Variants in PIEZO2 observed in about 807,000 individuals in gnomAD.
The protein encoded by PIEZO2 is piezo-type mechanosensitive ion channel component 2.
PIEZO2 carries 172 observed loss-of-function variants against 337.3 expected under a neutral mutation model. The ratio of observed to expected loss-of-function variants is 0.51; its 90% confidence interval spans 0.45 to 0.58. The LOEUF (loss-of-function observed/expected upper bound fraction) is 0.58. Among genes scored for constraint, PIEZO2 ranks in the 20% least tolerant of loss-of-function variants. PIEZO2 has a pLI of 0.00. For synonymous variants in PIEZO2, 1,251 were observed against 1,228.5 expected (o/e 1.02, Z -0.38); for missense variants, 3,028 against 3,391.3 (o/e 0.89, Z 2.66).
rs1420202428 is a variant in PIEZO2 at position 10,748,417 on chromosome 18, T to C, written c.4424+54A>G. The stretch of plus-strand genomic sequence containing the variant: ...CTCAGACAGAAATGATAGTGCAATA[T>C]TATTTCAGGCAAGTTTCCTGGGAGA... On this transcript the variant is annotated intron_variant, in intron 30 of 55. Transcript: ENST00000674853. The surrounding 1 kb of genome is among the most constrained non-coding windows in gnomAD (Gnocchi z 5.1). 1 of 1,499,680 alleles carries C rather than the reference T, an allele frequency of 6.7e-7. No individual in the cohort carries two copies. The allele number at this position is 1,499,680 out of a possible 1,614,324, so 92.9% of individuals were successfully genotyped here.
chr18:11,052,413 G>C (rs906329359), intron 2 of PIEZO2, among the ~76,000 whole-genome samples: 21 of 152,284 alleles, frequency 1.4e-4, no homozygotes, highest in African/African-American at 4.8e-4. Context: ...AAACTACATA[G>C]TTACTCCACG....
At chr18:11,144,521 A>C (rs1459506615) in intron 1 of PIEZO2, among the ~76,000 whole-genome samples, 1 of 152,220 alleles carries the variant, frequency 6.6e-6, no homozygotes, top group Admixed American at 6.5e-5. Flanking sequence ...TTTCAAAATG[A>C]TATATATTAC....
In PIEZO2 at chr18:10,894,438, G is replaced by A. The variant is rs2042840348; in HGVS notation, c.329+16748C>T. 6.6e-6 allele frequency: 1 copy of A among 152,086 alleles called. No individual in the cohort carries two copies. Among genetic ancestry groups the A allele is most frequent in the Non-Finnish European group, 1.5e-5 (1 of 68,050 alleles). 9.4% of individuals were successfully genotyped at this position (152,086 alleles called of 1,614,324 possible). A position where few individuals can be genotyped will look rare whatever the true frequency, so the allele number is the denominator to read the frequency against. On this transcript the variant is annotated intron_variant, in intron 4 of 55. Coordinates refer to ENST00000674853, the MANE Select transcript of PIEZO2 (RefSeq NM_001378183.1). The surrounding 1 kb of genome is among the most constrained non-coding windows in gnomAD (Gnocchi z 4.1). ...CACTTAACTCCAGCCTGGGCAATAAGAGCAAAACTCCGTCCCAAAAAAAGA... is the reference window on the plus strand; with the variant it reads ...CACTTAACTCCAGCCTGGGCAATAAAAGCAAAACTCCGTCCCAAAAAAAGA...
chr18:10,672,279 C>G lies in PIEZO2; in HGVS notation c.8345+411G>C, dbSNP rs573440800. Among the ~76,000 whole-genome samples, 112 of 152,104 alleles carry G rather than the reference C, an allele frequency of 7.4e-4. No homozygotes were observed. The highest frequency in any genetic ancestry group is 2.5e-3 in the African/African-American group (105 of 41,456). Reference sequence around the variant, plus strand: ...TACATTTGTGTCTTGTGGGGATGTGCGTGTCCTAGGATTTAAGCATCAGAA... The same window carrying G: ...TACATTTGTGTCTTGTGGGGATGTGGGTGTCCTAGGATTTAAGCATCAGAA... On this transcript the variant is annotated intron_variant, in intron 55 of 55. Coordinates refer to ENST00000674853, the MANE Select transcript of PIEZO2 (RefSeq NM_001378183.1). The surrounding 1 kb of genome is among the most constrained non-coding windows in gnomAD (Gnocchi z 4.7).
rs550833653 is a variant in PIEZO2 at position 10,753,035 on chromosome 18, T to A, written c.3924-156A>T. On this transcript the variant is annotated intron_variant, in intron 27 of 55. Transcript: ENST00000674853. Reference sequence around the variant, plus strand: ...TTTAATCCTGCTATCTAGGAAACCCTCAAATAGTTAGTAATAGACCAATAG... The same window carrying A: ...TTTAATCCTGCTATCTAGGAAACCCACAAATAGTTAGTAATAGACCAATAG... Among the ~76,000 whole-genome samples the A allele has an allele frequency of 5.3e-5, 8 of 152,312 alleles. No individual in the cohort carries two copies. In the South Asian group the frequency reaches 1.2e-3, roughly 24 times the overall value.
intron 1 of PIEZO2, among the ~76,000 whole-genome samples, chr18:11,081,869 C>G (rs1222555038): frequency 2.0e-5 from 3 of 151,738 alleles, no homozygotes; most frequent in Admixed American, 6.6e-5. Flanking sequence ...AAGCGATTCT[C>G]CTGTCTCAGC....
In PIEZO2 at chr18:10,899,479, C is replaced by T. The variant is rs1193331489; in HGVS notation, c.329+11707G>A. Among the ~76,000 whole-genome samples, 6 of 152,160 alleles carry T rather than the reference C, an allele frequency of 3.9e-5. No homozygotes were observed. Among genetic ancestry groups the T allele is most frequent in the African/African-American group, 1.2e-4 (5 of 41,434 alleles). ...TGTCTTTGTCTCCAGTAAGGTGCTT[C>T]ACTGGCTGAGCTTCCTCAGCATAAA... On this transcript the variant is annotated intron_variant, in intron 4 of 55. Coordinates refer to ENST00000674853, the MANE Select transcript of PIEZO2 (RefSeq NM_001378183.1). The surrounding 1 kb of genome is among the most constrained non-coding windows in gnomAD (Gnocchi z 4.6).
Position 11,083,076 on chromosome 18 carries a change from C to T in PIEZO2, c.65-16854G>A, listed in dbSNP as rs577588287. Among the ~76,000 whole-genome samples the T allele has an allele frequency of 1.3e-4, 20 of 152,192 alleles. No individual in the cohort carries two copies. The South Asian group carries it at 3.9e-3, about 30-fold the overall frequency. On this transcript the variant is annotated intron_variant, in intron 1 of 55. Coordinates refer to ENST00000674853, the MANE Select transcript of PIEZO2 (RefSeq NM_001378183.1). The surrounding 1 kb of genome is among the most constrained non-coding windows in gnomAD (Gnocchi z 4.4). ...TTGATTCTGCAGAGTTCACTTAGGC[C>T]GTTGCTTATGGTTCTGGGTGGCCCA...
intron 21 of PIEZO2, among the ~76,000 whole-genome samples, chr18:10,768,656 T>C (rs1223399729): frequency 6.6e-6 from 1 of 152,204 alleles, no homozygotes; most frequent in Admixed American, 6.5e-5. Context: ...TCTGAAAGTC[T>C]GCACAATGTG....
rs1285270634 is a variant in PIEZO2 at position 10,853,509 on chromosome 18, C to T, written c.917+1844G>A. 6.6e-6 allele frequency among the ~76,000 whole-genome samples: 1 copy of T among 152,154 alleles called. No individual in the cohort carries two copies. Among genetic ancestry groups the T allele is most frequent in the Non-Finnish European group, 1.5e-5 (1 of 68,026 alleles). ...AAATTGCAGCAGATCCATGGGAATT[C>T]GCTGTCAGTAACATACTTTGGTGCT... On this transcript the variant is annotated intron_variant, in intron 7 of 55. Coordinates refer to ENST00000674853, the MANE Select transcript of PIEZO2 (RefSeq NM_001378183.1). This position sits in a 1 kb window ranked among gnomAD's most constrained non-coding sequence, Gnocchi z 4.2.
chr18:11,006,808 TA>T (rs1284613123), intron 2 of PIEZO2, among the ~76,000 whole-genome samples: 1 of 152,128 alleles, frequency 6.6e-6, no homozygotes, highest in Non-Finnish European at 1.5e-5. Context: ...ATGTTCTTAG[TA>T]AAAAAATTAT....
At chr18:10,868,901 T>G (rs2042071918) in intron 5 of PIEZO2, among the ~76,000 whole-genome samples, 1 of 152,218 alleles carries the variant, frequency 6.6e-6, no homozygotes, top group Non-Finnish European at 1.5e-5. Context: ...GTCATGTAAG[T>G]TATTTTTATA....
At chr18:10,975,464 T>C (rs2145462286) in intron 3 of PIEZO2, among the ~76,000 whole-genome samples, 1 of 152,150 alleles carries the variant, frequency 6.6e-6, no homozygotes, top group South Asian at 2.1e-4. Context: ...AAGAACACTG[T>C]TCTGGAAATG....
rs1234766110 is a variant in PIEZO2, at chr18:10,869,087, G to C, written c.492+2166C>G. 3.3e-5 allele frequency among the ~76,000 whole-genome samples: 5 copies of C among 152,216 alleles called. No homozygotes were observed. The South Asian group carries it at 1.0e-3, about 31-fold the overall frequency. ...AAATTGGAGAAGGACAAAATGAGCA[G>C]AGCAAATAGCAATTTATCTAAGCAA... is the stretch of plus-strand genomic sequence containing the variant. On this transcript the variant is annotated intron_variant, in intron 5 of 55. Coordinates refer to ENST00000674853, the MANE Select transcript of PIEZO2 (RefSeq NM_001378183.1).
At chr18:11,013,971 A>G (rs773071151) in intron 2 of PIEZO2, among the ~76,000 whole-genome samples, 4 of 152,248 alleles carry the variant, frequency 2.6e-5, no homozygotes, top group Non-Finnish European at 4.4e-5. Context: ...ATGAGACGTT[A>G]GAGACCTTGC....
At position 10,969,812 on chromosome 18, in the gene PIEZO2, T is replaced by G. The variant is rs754047543; in HGVS notation, c.286+9723A>C. ...CACTTAGCCGCTCTCCTCAATTGTTTACTTGCAGGTCCAGCAGGTGAGGAC... is the reference window on the plus strand; with the variant it reads ...CACTTAGCCGCTCTCCTCAATTGTTGACTTGCAGGTCCAGCAGGTGAGGAC... On this transcript the variant is annotated intron_variant, in intron 3 of 55. Transcript: ENST00000674853. This position sits in a 1 kb window ranked among gnomAD's most constrained non-coding sequence, Gnocchi z 4.5. 1.3e-5 allele frequency among the ~76,000 whole-genome samples: 2 copies of G among 152,062 alleles called. No homozygotes were observed.
At chr18:10,967,328 T>C (rs1178140214) in intron 3 of PIEZO2, among the ~76,000 whole-genome samples, 1 of 152,140 alleles carries the variant, frequency 6.6e-6, no homozygotes, top group Admixed American at 6.5e-5. Flanking sequence ...ATATATCACA[T>C]TTTCTTTATC....
intron 7 of PIEZO2, 76 bp from the exon 8 acceptor site, chr18:10,807,350 T>C (rs150233188): frequency 3.1e-5 from 42 of 1,354,484 alleles, no homozygotes; most frequent in African/African-American, 1.5e-5. Context: ...AAGTACTTTG[T>C]TTTTGATACA....
chr18:10,720,407 GTGTATGTGTATGTATATATATATA>G (rs1567983810), intron 36 of PIEZO2, among the ~76,000 whole-genome samples: 295 of 11,902 alleles, frequency 0.025, 16 homozygotes, highest in Non-Finnish European at 0.031. Context: ...GTGTGTGTAT[GTGTATGTGTATGTATATATATATA>G]TATATATATA....
Sources: allele counts gnomAD v4.1 joint callset (sites outside exome capture counted in the v4.1 genomes callset), GRCh38; gene constraint gnomAD v4.1.1; non-coding constraint Gnocchi (gnomAD v3.1); transcripts MANE v1.5; gene names NCBI Gene and HGNC (gene_info 2026-07-23, HGNC 2026-07-21).